Variants in KLF8 observed in about 807,000 individuals in gnomAD.
KLF8 encodes Krueppel-like factor 8.
Under a neutral mutation model 18.2 loss-of-function variants are expected in KLF8, and 10 were observed. That is an observed-to-expected ratio of 0.55 (90% CI 0.34 to 0.93). The LOEUF (loss-of-function observed/expected upper bound fraction) is 0.93, where lower values mean the gene tolerates loss of function less well. Among genes scored for constraint, KLF8 ranks in the 40% least tolerant of loss-of-function variants. The probability of loss-of-function intolerance (pLI) is 0.02; values close to 1 mark genes in which losing one functional copy is unlikely to be tolerated. For synonymous variants in KLF8, 109 were observed against 97.3 expected (o/e 1.12, Z -0.71); for missense variants, 264 against 277.9 (o/e 0.95, Z 0.36).
the KLF8 span, among the ~76,000 whole-genome samples, chrX:56,067,242 C>T: frequency 3.1e-3 from 326 of 104,614 alleles, 1 homozygote; most frequent in African/African-American, 0.011. Flanking sequence ...TACCAGATGC[C>T]TCTAGTCAGC....
the KLF8 span, among the ~76,000 whole-genome samples, chrX:56,070,937 G>T: frequency 1.7e-3 from 189 of 112,168 alleles, 2 homozygotes; most frequent in African/African-American, 5.5e-3. Flanking sequence ...GGGAATATAT[G>T]CATCATTTAC....
the KLF8 span, among the ~76,000 whole-genome samples, chrX:55,920,657 C>A: frequency 1.7e-4 from 8 of 46,890 alleles, no homozygotes; most frequent in Non-Finnish European, 3.7e-4. Flanking sequence ...TAAAATCAAA[C>A]AAGCAGAAAG....
the KLF8 span, among the ~76,000 whole-genome samples, chrX:55,916,577 G>A: frequency 8.9e-6 from 1 of 111,881 alleles, no homozygotes; most frequent in African/African-American, 3.2e-5. Flanking sequence ...GCTGGTGAGT[G>A]CATTCTCAAA....
At chrX:56,046,163 T>C in the KLF8 span, among the ~76,000 whole-genome samples, 2 of 112,036 alleles carry the variant, frequency 1.8e-5, no homozygotes, top group Non-Finnish European at 3.8e-5. Context: ...GACTGACATA[T>C]GTTAAACCAT....
chrX:56,144,296 C>A, the KLF8 span, among the ~76,000 whole-genome samples: 12 of 111,105 alleles, frequency 1.1e-4, 1 homozygote, highest in East Asian at 3.4e-3. Flanking sequence ...ACCAAAAGCA[C>A]AAACAAAGAA....
chrX:56,118,858 T>C, the KLF8 span, among the ~76,000 whole-genome samples: 1 of 111,946 alleles, frequency 8.9e-6, no homozygotes, highest in African/African-American at 3.3e-5. Context: ...TGTTTTTGAT[T>C]GTATTTATAT....
the KLF8 span, among the ~76,000 whole-genome samples, chrX:55,957,053 G>C: frequency 1.8e-5 from 2 of 110,585 alleles, no homozygotes; most frequent in African/African-American, 6.6e-5. Flanking sequence ...GATCCATTTT[G>C]AATTAATTTT....
At chrX:56,080,107 G>A in the KLF8 span, among the ~76,000 whole-genome samples, 1 of 111,274 alleles carries the variant, frequency 9.0e-6, no homozygotes, top group Non-Finnish European at 1.9e-5. Flanking sequence ...TATCCAATTT[G>A]CCAGTCTGTG....
At chrX:55,983,641 A>T in the KLF8 span, among the ~76,000 whole-genome samples, 1 of 112,213 alleles carries the variant, frequency 8.9e-6, no homozygotes, top group African/African-American at 3.2e-5. Context: ...TTTTAAATAA[A>T]TAGCTTTAAT....
chrX:55,930,462 G>A, the KLF8 span, among the ~76,000 whole-genome samples: 5 of 111,836 alleles, frequency 4.5e-5, no homozygotes, highest in East Asian at 2.8e-4. Context: ...GTCTTGTGCC[G>A]GTTTTCAAAG....
the KLF8 span, among the ~76,000 whole-genome samples, chrX:56,075,906 C>T: frequency 9.0e-6 from 1 of 111,645 alleles, no homozygotes; most frequent in Non-Finnish European, 1.9e-5. Context: ...TCCTAAAAAC[C>T]ATTCATCTGT....
chrX:55,995,000 C>T, the KLF8 span, among the ~76,000 whole-genome samples: 1 of 111,924 alleles, frequency 8.9e-6, no homozygotes, highest in South Asian at 3.7e-4. Context: ...CTGTCTAATA[C>T]TGTTAATGGA....
At chrX:56,177,729 T>C in the KLF8 span, among the ~76,000 whole-genome samples, 2 of 111,715 alleles carry the variant, frequency 1.8e-5, no homozygotes, top group Non-Finnish European at 3.8e-5. Flanking sequence ...GCAGGCCTCC[T>C]TGAGCTGAGG....
At chrX:56,021,506 C>T in the KLF8 span, among the ~76,000 whole-genome samples, 4 of 110,193 alleles carry the variant, frequency 3.6e-5, no homozygotes, top group African/African-American at 6.6e-5. Flanking sequence ...GGTAGAATTG[C>T]GGTGCAAGAG....
At chrX:56,073,881 G>A in the KLF8 span, among the ~76,000 whole-genome samples, 1 of 110,924 alleles carries the variant, frequency 9.0e-6, no homozygotes, top group African/African-American at 3.3e-5. Flanking sequence ...AAGTTGCTGG[G>A]ACTATAGGCG....
the KLF8 span, among the ~76,000 whole-genome samples, chrX:55,973,100 C>T: frequency 8.9e-6 from 1 of 111,973 alleles, no homozygotes; most frequent in Non-Finnish European, 1.9e-5. Context: ...ATTTCAATAA[C>T]AAACAATGAA....
chrX:55,913,898 C>G, the KLF8 span, among the ~76,000 whole-genome samples: 1 of 111,779 alleles, frequency 8.9e-6, no homozygotes, highest in Non-Finnish European at 1.9e-5. Flanking sequence ...GGGGTAAAAG[C>G]AGTGGCTGGA....
At chrX:56,251,421 C>T (rs1424884899) in intron 2 of KLF8, among the ~76,000 whole-genome samples, 1 of 110,863 alleles carries the variant, frequency 9.0e-6, no homozygotes, top group Admixed American at 9.5e-5. Context: ...GTTATAATTT[C>T]AACTTTTATT....
chrX:55,945,821 C>T, the KLF8 span, among the ~76,000 whole-genome samples: 4 of 110,884 alleles, frequency 3.6e-5, no homozygotes, highest in Non-Finnish European at 7.5e-5. Context: ...GTACAAAAAT[C>T]ACAAGCATTC....
Sources: gnomAD v4.1 joint callset for allele counts (sites outside exome capture counted in the v4.1 genomes callset) on GRCh38, gnomAD v4.1.1 for gene constraint, MANE v1.5 for transcripts, NCBI Gene and HGNC (gene_info 2026-07-23, HGNC 2026-07-21) for gene names.